The following LNX1 variants were observed in gnomAD, a reference collection of about 807,000 sequenced individuals.
The protein encoded by LNX1 is E3 ubiquitin-protein ligase LNX.
LNX1 carries 54 observed loss-of-function variants against 68.4 expected under a neutral mutation model. The observed-to-expected ratio is 0.79, with a 90% confidence interval of 0.63 to 0.99. The LOEUF is 0.99. Among genes scored for constraint, LNX1 ranks in the 50% least tolerant of loss-of-function variants. LNX1 has a pLI of 0.00. For missense variants in LNX1, 906 were observed against 926.4 expected (o/e 0.98, Z 0.29); for synonymous variants, 336 against 350.0 (o/e 0.96, Z 0.45).
At chr4:53,578,817 A>C (rs1432935822) in intron 1 of LNX1, among the ~76,000 whole-genome samples, 2 of 152,200 alleles carry the variant, frequency 1.3e-5, no homozygotes, top group Non-Finnish European at 2.9e-5. Context: ...ATATTTTCTG[A>C]CTTTATTTTA....
At chr4:53,614,161 G>C (rs1259793575) in intron 2 of LNX1, among the ~76,000 whole-genome samples, 2 of 152,232 alleles carry the variant, frequency 1.3e-5, no homozygotes, top group South Asian at 4.1e-4. Flanking sequence ...TTTTAATGGG[G>C]TTGTTTTATG....
Position 53,498,792 on chromosome 4 carries a change from T to C in LNX1, c.827A>G (p.Lys276Arg). Residue 276 changes from lysine to arginine, a missense_variant, in exon 5 of 11, where the codon AAG becomes AGG. Physicochemically the swap from Lys to Arg is conservative, Grantham distance 26. Coordinates refer to ENST00000263925, the MANE Select transcript of LNX1 (RefSeq NM_001126328.3). The stretch of plus-strand genomic sequence containing the variant: ...TTCACTGGGATCTACTCGATTGATC[T>C]TGATGCTGGTAATTTCACCATCTGG... ...LIPDGEITSI[K>R]INRVDPSESL... 1.2e-6 allele frequency: 2 copies of C among 1,614,136 alleles called. No homozygotes were observed. Among genetic ancestry groups the C allele is most frequent in the East Asian group, 2.2e-5 (1 of 44,884 alleles).
At chr4:53,529,755 G>C (rs1428355908) in intron 2 of LNX1, among the ~76,000 whole-genome samples, 1 of 152,160 alleles carries the variant, frequency 6.6e-6, no homozygotes, top group Non-Finnish European at 1.5e-5. Context: ...TGCAGGTAAG[G>C]CTGGGCTGAA....
chr4:53,548,054 G>C (rs1177442883), intron 2 of LNX1, among the ~76,000 whole-genome samples: 1 of 151,932 alleles, frequency 6.6e-6, no homozygotes, highest in African/African-American at 2.4e-5. Context: ...TGTGGTTGGG[G>C]GTGGTGGGCC....
intron 1 of LNX1, among the ~76,000 whole-genome samples, chr4:53,627,076 C>A (rs1734103793): frequency 6.6e-6 from 1 of 152,204 alleles, no homozygotes. Context: ...TTGTCCTCTG[C>A]AGCTTCCTTT....
rs1384682321 is a variant in LNX1, at chr4:53,476,995, AAGCAGAAGCTATCTTTAGTGAG to A, written c.1664-36_1664-15del. 2.2e-5 allele frequency: 35 copies of A among 1,606,170 alleles called. No individual in the cohort carries two copies. The Admixed American group carries it at 4.0e-4, about 18-fold the overall frequency. ...ACAAAATGTCACCTGATGGCCAGAG[AAGCAGAAGCTATCTTTAGTGAG>A]AGCACAAACAGGGACTTCTGCTTAA... On this transcript the variant is annotated splice_polypyrimidine_tract_variant and intron_variant, in intron 8 of 10. Coordinates refer to ENST00000263925, the MANE Select transcript of LNX1 (RefSeq NM_001126328.3).
intron 1 of LNX1, among the ~76,000 whole-genome samples, chr4:53,578,425 C>A (rs1731631515): frequency 6.6e-6 from 1 of 152,140 alleles, no homozygotes. Flanking sequence ...TGTAACTGTA[C>A]CAAATACTGT....
chr4:53,531,670 T>C (rs1345241764), intron 2 of LNX1, among the ~76,000 whole-genome samples: 1 of 152,234 alleles, frequency 6.6e-6, no homozygotes, highest in Admixed American at 6.5e-5. Context: ...CATAATCGTG[T>C]AAACTGTGAA....
chr4:53,463,638 C>CTAA (rs1553929082), intron 9 of LNX1, among the ~76,000 whole-genome samples: 1 of 151,324 alleles, frequency 6.6e-6, no homozygotes, highest in Non-Finnish European at 1.5e-5. Flanking sequence ...TTAGGCCTAT[C>CTAA]GAAGATTTGG....
chr4:53,647,029 G>C (rs1035731925), intron 1 of LNX1, among the ~76,000 whole-genome samples: 2 of 152,216 alleles, frequency 1.3e-5, no homozygotes, highest in African/African-American at 4.8e-5. Flanking sequence ...AAAGAGGATG[G>C]AAAGGTTCTC....
intron 2 of LNX1, among the ~76,000 whole-genome samples, chr4:53,572,798 T>G (rs1731247919): frequency 6.6e-6 from 1 of 152,170 alleles, no homozygotes; most frequent in Non-Finnish European, 1.5e-5. Context: ...TGTGTGTGTG[T>G]GTGGGTGTGT....
chr4:53,544,188 TTCTC>T (rs199877213), intron 2 of LNX1, among the ~76,000 whole-genome samples: 3 of 151,676 alleles, frequency 2.0e-5, no homozygotes, highest in African/African-American at 4.8e-5. Flanking sequence ...AGGTGCTGAT[TTCTC>T]TCTCTCTCTC....
intron 1 of LNX1, among the ~76,000 whole-genome samples, chr4:53,585,371 A>G (rs554448679): frequency 1.3e-5 from 2 of 152,270 alleles, no homozygotes; most frequent in African/African-American, 2.4e-5. Context: ...CTCCAAGTGG[A>G]CAAGAAATCT....
chr4:53,461,109 A>ATCT (rs1722008373), intron 10 of LNX1, 67 bp from the exon 11 acceptor site: 1 of 1,366,250 alleles, frequency 7.3e-7, no homozygotes, highest in Non-Finnish European at 1.0e-6. Flanking sequence ...ATGCAAGTTT[A>ATCT]TCTTAGTGGT....
intron 9 of LNX1, among the ~76,000 whole-genome samples, chr4:53,472,799 G>C (rs1421096024): frequency 5.3e-5 from 8 of 151,874 alleles, no homozygotes; most frequent in African/African-American, 1.9e-4. Flanking sequence ...CAAGCAGGGG[G>C]AAGGCTGATA....
At chr4:53,533,528 A>G (rs559049835) in intron 2 of LNX1, among the ~76,000 whole-genome samples, 1 of 152,266 alleles carries the variant, frequency 6.6e-6, no homozygotes, top group South Asian at 2.1e-4. Context: ...CCTCCTGAGT[A>G]GCTGGGACTA....
intron 1 of LNX1, among the ~76,000 whole-genome samples, chr4:53,584,319 T>A (rs1732029234): frequency 6.6e-6 from 1 of 152,136 alleles, no homozygotes; most frequent in Non-Finnish European, 1.5e-5. Context: ...CTGTGGGAGT[T>A]CCTGTAGGGA....
upstream of LNX1, among the ~76,000 whole-genome samples, chr4:53,619,571 C>T (rs1733793590): frequency 6.6e-6 from 1 of 152,118 alleles, no homozygotes; most frequent in Admixed American, 6.6e-5. Context: ...GAGTGACAGT[C>T]CATTGTAAGG....
chr4:53,587,935 C>T (rs1732274936), intron 1 of LNX1, among the ~76,000 whole-genome samples: 1 of 152,190 alleles, frequency 6.6e-6, no homozygotes, highest in Non-Finnish European at 1.5e-5. Flanking sequence ...ACAGGTTTTC[C>T]TCCTCTGCCT....
Sources: gnomAD v4.1 joint callset for allele counts (sites outside exome capture counted in the v4.1 genomes callset) on GRCh38, gnomAD v4.1.1 for gene constraint, MANE v1.5 for transcripts, NCBI Gene and HGNC (gene_info 2026-07-23, HGNC 2026-07-21) for gene names.